CDH4: variants seen among roughly 807,000 people sequenced by gnomAD.
CDH4 encodes the protein cadherin-4.
Under a neutral mutation model 86.0 loss-of-function variants are expected in CDH4, and 33 were observed. The observed-to-expected ratio is 0.38, with a 90% CI of 0.29 to 0.51. The LOEUF is 0.51. Ranked by LOEUF, CDH4 falls within the 20% of genes least tolerant of loss-of-function variation. The pLI is 0.86. For missense variants in CDH4, 1,114 were observed against 1,307.4 expected, an observed-to-expected ratio of 0.85 and a Z score of 2.28; for synonymous variants, 555 against 549.4, an observed-to-expected ratio of 1.01 and a Z score of -0.14.
chr20:61,572,400 C>G (rs76954919), intron 2 of CDH4, among the ~76,000 whole-genome samples: 2,818 of 152,250 alleles, frequency 0.019, 67 homozygotes, highest in African/African-American at 0.055. Context: ...AGGGAAGGGA[C>G]AGAGGATGTT....
intron 2 of CDH4, among the ~76,000 whole-genome samples, chr20:61,699,350 C>A (rs530945087): frequency 6.6e-6 from 1 of 152,202 alleles, no homozygotes; most frequent in Non-Finnish European, 1.5e-5. Context: ...TCACAAGCCC[C>A]CCCAGTGCAG....
At chr20:61,916,274 A>T in intron 9 of CDH4, among the ~76,000 whole-genome samples, 1 of 152,070 alleles carries the variant, frequency 6.6e-6, no homozygotes, top group East Asian at 1.9e-4. Context: ...GATGTCCAGT[A>T]TCTTGAGGGC....
intron 4 of CDH4, among the ~76,000 whole-genome samples, chr20:61,818,690 T>TAAAAAA (rs749117643): frequency 7.0e-6 from 1 of 142,794 alleles, no homozygotes; most frequent in African/African-American, 2.6e-5. Context: ...ACTAAAAATT[T>TAAAAAA]AAAAAAAAAA....
intron 2 of CDH4, among the ~76,000 whole-genome samples, chr20:61,502,367 G>A (rs1467421867): frequency 1.3e-5 from 2 of 152,018 alleles, no homozygotes; most frequent in African/African-American, 4.8e-5. Context: ...ACATTTTCTG[G>A]GAATTTGCTT....
At chr20:61,916,724 C>A (rs898069890) in intron 9 of CDH4, among the ~76,000 whole-genome samples, 9 of 152,226 alleles carry the variant, frequency 5.9e-5, no homozygotes, top group African/African-American at 2.2e-4. Flanking sequence ...TCACTGCTCC[C>A]AACCTTCAGT....
chr20:61,324,684 T>G (rs1171813155), intron 2 of CDH4, among the ~76,000 whole-genome samples: 1 of 152,188 alleles, frequency 6.6e-6, no homozygotes, highest in East Asian at 1.9e-4. Context: ...CAGAGGAATG[T>G]GACTTTTGCA....
intron 2 of CDH4, among the ~76,000 whole-genome samples, chr20:61,506,827 G>T (rs577605035): frequency 2.0e-5 from 3 of 152,206 alleles, no homozygotes; most frequent in Non-Finnish European, 2.9e-5. Context: ...AGGCTGCAGG[G>T]TGGTGCTGGG....
At chr20:61,859,667 G>GC (rs556582721) in intron 6 of CDH4, among the ~76,000 whole-genome samples, 3 of 152,232 alleles carry the variant, frequency 2.0e-5, no homozygotes, top group Non-Finnish European at 4.4e-5. Flanking sequence ...CCTCCCTCCG[G>GC]TGAATTGCTT....
intron 2 of CDH4, among the ~76,000 whole-genome samples, chr20:61,481,500 C>T (rs1438628650): frequency 2.6e-5 from 4 of 152,258 alleles, no homozygotes; most frequent in African/African-American, 7.2e-5. Context: ...GGGAATGCAT[C>T]TCTAAATCCC....
intron 2 of CDH4, among the ~76,000 whole-genome samples, chr20:61,432,299 G>A (rs999793307): frequency 6.6e-6 from 1 of 152,168 alleles, no homozygotes; most frequent in Non-Finnish European, 1.5e-5. Flanking sequence ...CACACTCAGT[G>A]AGGTCAGTTC....
chr20:61,617,105 C>T (rs4925260), intron 2 of CDH4, among the ~76,000 whole-genome samples: 83,788 of 152,158 alleles, frequency 0.55, 26,334 homozygotes, highest in Non-Finnish European at 0.7. Context: ...CAAGAGTCAT[C>T]CTGCAGAGGC....
rs181479134 is a variant in CDH4 at position 61,343,588 on chromosome 20, G to A, written c.169+88651G>A. 7.9e-5 allele frequency among the ~76,000 whole-genome samples: 12 copies of A among 152,196 alleles called. No homozygotes were observed. The East Asian group carries it at 1.5e-3, about 20-fold the overall frequency. On this transcript the variant is annotated intron_variant, in intron 2 of 15. Transcript: ENST00000614565. The stretch of plus-strand genomic sequence containing the variant: ...GTATAAAACTCTCAGTGGTTCCAGC[G>A]GCAGTCAGCATAGGCAAGTTGTGCT...
At chr20:61,387,171 G>GAC (rs202105988) in intron 2 of CDH4, among the ~76,000 whole-genome samples, 9 of 139,856 alleles carry the variant, frequency 6.4e-5, no homozygotes, top group Non-Finnish European at 1.1e-4. Flanking sequence ...CCCCTAATAT[G>GAC]ACACACACAC....
chr20:61,297,245 G>T (rs1014029420), intron 2 of CDH4, among the ~76,000 whole-genome samples: 1 of 152,244 alleles, frequency 6.6e-6, no homozygotes, highest in East Asian at 1.9e-4. Context: ...AATTGGCCAC[G>T]CACGGTGGCA....
intron 2 of CDH4, among the ~76,000 whole-genome samples, chr20:61,535,761 G>A (rs13039813): frequency 2.6e-5 from 4 of 151,742 alleles, no homozygotes; most frequent in African/African-American, 7.3e-5. Flanking sequence ...TCCTTTGGGC[G>A]TTTGAATCCC....
intron 2 of CDH4, among the ~76,000 whole-genome samples, chr20:61,539,060 A>G (rs548673867): frequency 8.8e-4 from 134 of 152,298 alleles, no homozygotes; most frequent in Non-Finnish European, 8.2e-4. Context: ...TGGGATCCAC[A>G]GCAGATCCGC....
intron 14 of CDH4, 133 bp downstream of exon 14, chr20:61,933,257 G>A: frequency 1.7e-6 from 2 of 1,169,306 alleles, no homozygotes; most frequent in Non-Finnish European, 1.2e-6. Flanking sequence ...GCCAGGCAGG[G>A]GCGCACGGTT....
intron 6 of CDH4, among the ~76,000 whole-genome samples, chr20:61,855,040 G>A (rs1429814543): frequency 7.8e-6 from 1 of 128,870 alleles, no homozygotes; most frequent in Non-Finnish European, 1.7e-5. Flanking sequence ...TGTGAACAGG[G>A]TGAATTGTGC....
rs111919322 is a variant in CDH4 at position 61,736,764 on chromosome 20, A to G, written c.170-6799A>G. 8.2e-3 allele frequency among the ~76,000 whole-genome samples: 1,243 copies of G among 152,238 alleles called. 9 individuals are homozygous for G. Among genetic ancestry groups the G allele is most frequent in the African/African-American group, 0.028 (1,147 of 41,560 alleles). On this transcript the variant is annotated intron_variant, in intron 2 of 15. Coordinates refer to ENST00000614565, the MANE Select transcript of CDH4 (RefSeq NM_001794.5). ...CCCTTCTTAGGGGAGCAGAATTGGC[A>G]TGAGTCCTGGGAGATGGAGCCATCA...
Sources: gnomAD v4.1 joint callset for allele counts (sites outside exome capture counted in the v4.1 genomes callset) on GRCh38, gnomAD v4.1.1 for gene constraint, MANE v1.5 for transcripts, NCBI Gene and HGNC (gene_info 2026-07-23, HGNC 2026-07-21) for gene names.